The following PPP2R2B variants were observed in gnomAD, a reference collection of about 807,000 sequenced individuals.
PPP2R2B encodes the protein serine/threonine-protein phosphatase 2A 55 kDa regulatory subunit B beta isoform.
In PPP2R2B, 5 loss-of-function variants were observed where a neutral mutation model predicts 46.0. That is an observed-to-expected ratio of 0.11 (90% confidence interval 0.06 to 0.23). The LOEUF (loss-of-function observed/expected upper bound fraction) is 0.23, where lower values mean the gene tolerates loss of function less well. PPP2R2B is among the 10% of genes least tolerant of loss of function. The pLI is 1.00. For missense variants in PPP2R2B, 367 were observed against 575.0 expected, an observed-to-expected ratio of 0.64 and a Z score of 3.70; for synonymous variants, 215 against 206.7, an observed-to-expected ratio of 1.04 and a Z score of -0.34.
chr5:146,800,842 A>G (rs1481167684), intron 2 of PPP2R2B, among the ~76,000 whole-genome samples: 2 of 152,086 alleles, frequency 1.3e-5, no homozygotes, highest in African/African-American at 4.8e-5. Context: ...CACCATTCCC[A>G]ATAGCCAGAT....
chr5:146,799,779 T>G (rs1756756786), intron 2 of PPP2R2B, among the ~76,000 whole-genome samples: 1 of 152,198 alleles, frequency 6.6e-6, no homozygotes. Flanking sequence ...GCAAACGAAT[T>G]TAGGGGTTAT....
intron 2 of PPP2R2B, among the ~76,000 whole-genome samples, chr5:146,843,849 ATT>A (rs1759816526): frequency 1.3e-5 from 2 of 151,908 alleles, no homozygotes; most frequent in Non-Finnish European, 2.9e-5. Context: ...CCAGTCTATC[ATT>A]GTTGGACATT....
chr5:146,651,771 G>A (rs1001730898), intron 5 of PPP2R2B, among the ~76,000 whole-genome samples: 4 of 152,176 alleles, frequency 2.6e-5, no homozygotes, highest in African/African-American at 9.7e-5. Flanking sequence ...GATACCAGGT[G>A]GTAGATTAAG....
rs115806378 is a variant in PPP2R2B, at chr5:147,015,612, A to C, written c.79+40053T>G. On this transcript the variant is annotated intron_variant, in intron 1 of 8. Coordinates refer to the PPP2R2B transcript ENST00000336640. ...GGTTGGCTGACTCTCATAACACAACACAGTATTGCAGAGAGCATAGCTATG... is the reference window on the plus strand; with the variant it reads ...GGTTGGCTGACTCTCATAACACAACCCAGTATTGCAGAGAGCATAGCTATG... Among the ~76,000 whole-genome samples the C allele has an allele frequency of 4.0e-3, 602 of 151,696 alleles. 6 individuals carry two copies. Among genetic ancestry groups the C allele is most frequent in the African/African-American group, 0.014 (566 of 41,546 alleles).
chr5:146,861,100 G>T (rs1760967315), intron 2 of PPP2R2B, among the ~76,000 whole-genome samples: 1 of 147,620 alleles, frequency 6.8e-6, no homozygotes, highest in Non-Finnish European at 1.5e-5. Context: ...CTGTCGCTCG[G>T]GCTGGAGTGC....
intron 1 of PPP2R2B, among the ~76,000 whole-genome samples, chr5:147,000,948 C>CA (rs1754142867): frequency 6.6e-6 from 1 of 152,096 alleles, no homozygotes; most frequent in Non-Finnish European, 1.5e-5. Context: ...CCTGATTTTC[C>CA]AATTTGTCCC....
chr5:146,693,857 C>T (rs538373075), intron 4 of PPP2R2B, among the ~76,000 whole-genome samples: 3 of 152,334 alleles, frequency 2.0e-5, no homozygotes, highest in Non-Finnish European at 4.4e-5. Flanking sequence ...GTTGCTCTGA[C>T]AGCTTTAGCT....
intron 2 of PPP2R2B, among the ~76,000 whole-genome samples, chr5:147,073,003 C>T (rs563752467): frequency 6.6e-6 from 1 of 152,300 alleles, no homozygotes; most frequent in South Asian, 2.1e-4. Context: ...TCCACAATCA[C>T]ACTGGATTGT....
chr5:146,915,569 C>T (rs940828973), intron 1 of PPP2R2B, among the ~76,000 whole-genome samples: 2 of 152,158 alleles, frequency 1.3e-5, no homozygotes, highest in African/African-American at 2.4e-5. Flanking sequence ...GCATTCAGCC[C>T]TCTGTCCTGA....
chr5:146,822,948 T>C (rs1758358317), intron 2 of PPP2R2B, among the ~76,000 whole-genome samples: 1 of 152,198 alleles, frequency 6.6e-6, no homozygotes. Flanking sequence ...AGTGAGCAAA[T>C]TGCAAACATC....
chr5:146,686,979 T>C (rs537640725), intron 5 of PPP2R2B, among the ~76,000 whole-genome samples: 3 of 151,754 alleles, frequency 2.0e-5, no homozygotes, highest in African/African-American at 4.8e-5. Context: ...TGTTTCTCCA[T>C]TGCTGAGGTC....
intron 1 of PPP2R2B, among the ~76,000 whole-genome samples, chr5:146,897,171 A>G (rs980076050): frequency 2.2e-4 from 33 of 152,318 alleles, no homozygotes; most frequent in African/African-American, 7.5e-4. Context: ...AGGAATGATG[A>G]CAGATTGAGG....
chr5:146,668,842 C>G (rs1282788157), intron 5 of PPP2R2B, among the ~76,000 whole-genome samples: 1 of 152,196 alleles, frequency 6.6e-6, no homozygotes, highest in Non-Finnish European at 1.5e-5. Flanking sequence ...ATGTTGTGAA[C>G]TGCATTGCCA....
chr5:146,629,044 T>C (rs1279122205), intron 7 of PPP2R2B, among the ~76,000 whole-genome samples: 2 of 152,188 alleles, frequency 1.3e-5, no homozygotes, highest in Non-Finnish European at 2.9e-5. Flanking sequence ...AGTTATTCTC[T>C]ATCCATACCT....
At chr5:146,942,883 C>CA (rs1764365745) in intron 1 of PPP2R2B, among the ~76,000 whole-genome samples, 1 of 151,934 alleles carries the variant, frequency 6.6e-6, no homozygotes, top group Non-Finnish European at 1.5e-5. Flanking sequence ...CTGCAAGCTC[C>CA]ACCTCCCAGG....
intron 2 of PPP2R2B, among the ~76,000 whole-genome samples, chr5:146,730,839 G>A (rs930481667): frequency 2.6e-5 from 4 of 152,118 alleles, no homozygotes; most frequent in African/African-American, 9.7e-5. Context: ...CTAATACAGG[G>A]AAATTAAACT....
At chr5:146,728,711 G>C (rs896922523) in intron 2 of PPP2R2B, among the ~76,000 whole-genome samples, 1 of 152,188 alleles carries the variant, frequency 6.6e-6, no homozygotes, top group Non-Finnish European at 1.5e-5. Context: ...TCTCATGATA[G>C]TGAATAAGTC....
In PPP2R2B at chr5:146,863,173, T is replaced by C. The variant is rs555537717; in HGVS notation, c.70+14829A>G. ...CACAAATGGAACTGCACCCAAAACT[T>C]TCCCTCTATATCCTATTAAGTGACC... On this transcript the variant is annotated intron_variant, in intron 2 of 9. Coordinates refer to ENST00000394411, the MANE Select transcript of PPP2R2B (RefSeq NM_181675.4). Among the ~76,000 whole-genome samples, 40 of 152,212 alleles carry C rather than the reference T, an allele frequency of 2.6e-4. No individual in the cohort carries two copies. The South Asian group carries it at 4.4e-3, about 17-fold the overall frequency.
chr5:147,057,839 AT>A (rs1405918546), upstream of PPP2R2B, among the ~76,000 whole-genome samples: 1 of 152,174 alleles, frequency 6.6e-6, no homozygotes, highest in African/African-American at 2.4e-5. Flanking sequence ...CTTACTTAAC[AT>A]ATTTTAGCCT....
Sources: allele counts gnomAD v4.1 joint callset (sites outside exome capture counted in the v4.1 genomes callset), GRCh38; gene constraint gnomAD v4.1.1; transcripts MANE v1.5; gene names NCBI Gene and HGNC (gene_info 2026-07-23, HGNC 2026-07-21).